The following DPH6 variants were observed in gnomAD, a reference collection of about 807,000 sequenced individuals.
DPH6 encodes diphthamine biosynthesis 6.
A neutral mutation model predicts 38.2 loss-of-function variants in DPH6; 33 were observed. That is an observed-to-expected ratio of 0.86 (90% CI 0.65 to 1.15). DPH6 has a LOEUF of 1.15. Among genes scored for constraint, DPH6 ranks in the 50% most tolerant of loss-of-function variants. The pLI, the probability that DPH6 is intolerant of heterozygous loss-of-function variation, is 0.00. For missense variants in DPH6, 325 were observed against 320.0 expected (o/e 1.02, Z -0.12); for synonymous variants, 108 against 103.0 (o/e 1.05, Z -0.30).
chr15:35,393,361 G>T (rs1319557014), intron 6 of DPH6, among the ~76,000 whole-genome samples: 2 of 152,116 alleles, frequency 1.3e-5, no homozygotes, highest in Non-Finnish European at 2.9e-5. Flanking sequence ...GACAAACGAT[G>T]AATTAGAAAA....
At chr15:35,175,218 G>C in the DPH6 span, among the ~76,000 whole-genome samples, 1 of 152,058 alleles carries the variant, frequency 6.6e-6, no homozygotes, top group African/African-American at 2.4e-5. Flanking sequence ...AGTTAAAACA[G>C]TCATTTTACC....
chr15:35,364,438 T>C (rs2052639673), intron 3 of DPH6, among the ~76,000 whole-genome samples: 3 of 151,948 alleles, frequency 2.0e-5, no homozygotes, highest in African/African-American at 7.2e-5. Flanking sequence ...TATTTATATC[T>C]TCAAAAAAAA....
intron 3 of DPH6, among the ~76,000 whole-genome samples, chr15:35,356,014 C>G (rs1343324813): frequency 1.3e-5 from 2 of 152,188 alleles, no homozygotes; most frequent in African/African-American, 4.8e-5. Context: ...AACTTCTGTT[C>G]TCACTTCATT....
At chr15:35,346,713 T>G (rs1297617671) in intron 3 of DPH6, among the ~76,000 whole-genome samples, 3 of 152,180 alleles carry the variant, frequency 2.0e-5, no homozygotes, top group Non-Finnish European at 2.9e-5. Flanking sequence ...CTTAGGTCAT[T>G]GATTTTCAGC....
At chr15:35,311,332 C>T (rs2052140288) in intron 3 of DPH6, among the ~76,000 whole-genome samples, 1 of 152,140 alleles carries the variant, frequency 6.6e-6, no homozygotes, top group Non-Finnish European at 1.5e-5. Flanking sequence ...CAACTGAAGA[C>T]TGCTTTTTTT....
At chr15:35,259,239 A>C (rs2051728934) in intron 3 of DPH6, among the ~76,000 whole-genome samples, 1 of 152,110 alleles carries the variant, frequency 6.6e-6, no homozygotes, top group Non-Finnish European at 1.5e-5. Flanking sequence ...ATATATCTGG[A>C]AAGGCAAGCA....
intron 3 of DPH6, among the ~76,000 whole-genome samples, chr15:35,527,589 T>C (rs989955566): frequency 6.6e-6 from 1 of 152,084 alleles, no homozygotes; most frequent in Admixed American, 6.6e-5. Flanking sequence ...GGAAGGAAGA[T>C]ATTATATTCA....
the DPH6 span, among the ~76,000 whole-genome samples, chr15:35,167,909 A>G: frequency 3.0e-4 from 46 of 152,078 alleles, no homozygotes; most frequent in Non-Finnish European, 4.9e-4. Context: ...CAAGGTACTA[A>G]TTTTCCCATA....
intron 3 of DPH6, among the ~76,000 whole-genome samples, chr15:35,228,152 T>C (rs2051494889): frequency 1.3e-5 from 2 of 152,222 alleles, no homozygotes; most frequent in South Asian, 4.1e-4. Context: ...GTCTATAGTG[T>C]AGACCAACAT....
intron 3 of DPH6, among the ~76,000 whole-genome samples, chr15:35,468,465 C>T (rs988629591): frequency 2.0e-5 from 3 of 152,078 alleles, no homozygotes; most frequent in African/African-American, 7.2e-5. Context: ...TGCTCAAAAC[C>T]CTCTAAGTCA....
downstream of DPH6, among the ~76,000 whole-genome samples, chr15:35,326,587 G>A (rs111547123): frequency 1.3e-5 from 2 of 151,798 alleles, no homozygotes; most frequent in Non-Finnish European, 2.9e-5. Context: ...ATGCACCACC[G>A]TGCCCAGCTA....
chr15:35,245,776 A>G (rs1173918810), intron 3 of DPH6, among the ~76,000 whole-genome samples: 1 of 150,420 alleles, frequency 6.6e-6, no homozygotes, highest in Non-Finnish European at 1.5e-5. Flanking sequence ...TTAACTCAAG[A>G]GCATCCCACA....
intron 3 of DPH6, chr15:35,489,923 TA>T (rs2054454726): frequency 1.0e-6 from 1 of 971,922 alleles, no homozygotes. Flanking sequence ...GATTACTTTT[TA>T]AAAGTATCAA....
At chr15:35,328,153 A>G (rs1466850953), downstream of DPH6, among the ~76,000 whole-genome samples, 3 of 152,170 alleles carry the variant, frequency 2.0e-5, no homozygotes, top group Non-Finnish European at 2.9e-5. Context: ...CTCATTGTGA[A>G]AAGGTAGAGT....
intron 3 of DPH6, among the ~76,000 whole-genome samples, chr15:35,222,403 A>C (rs2051448313): frequency 6.6e-6 from 1 of 152,182 alleles, no homozygotes; most frequent in Non-Finnish European, 1.5e-5. Flanking sequence ...CAGTCTCATG[A>C]GGTCCTGATG....
downstream of DPH6, among the ~76,000 whole-genome samples, chr15:35,327,407 G>A (rs890212245): frequency 1.4e-5 from 2 of 146,832 alleles, no homozygotes; most frequent in African/African-American, 5.1e-5. Flanking sequence ...GTGCAGTGAC[G>A]CAATCTTGGC....
chr15:35,295,946 G>A (rs1021556568), intron 3 of DPH6, among the ~76,000 whole-genome samples: 1 of 149,656 alleles, frequency 6.7e-6, no homozygotes, highest in Non-Finnish European at 1.5e-5. Flanking sequence ...TTTTGAGATA[G>A]AGTCTCGCTC....
the DPH6 span, among the ~76,000 whole-genome samples, chr15:35,159,904 A>G: frequency 6.6e-6 from 1 of 152,058 alleles, no homozygotes; most frequent in Non-Finnish European, 1.5e-5. Flanking sequence ...TTGCAGCAAC[A>G]TGGATGGAGC....
intron 3 of DPH6, among the ~76,000 whole-genome samples, chr15:35,476,760 C>T (rs1169341979): frequency 5.3e-5 from 8 of 151,700 alleles, no homozygotes; most frequent in Admixed American, 5.3e-4. Flanking sequence ...GATTGAATTC[C>T]ACTTGCCAGT....
Sources: allele counts gnomAD v4.1 joint callset (sites outside exome capture counted in the v4.1 genomes callset), GRCh38; gene constraint gnomAD v4.1.1; transcripts MANE v1.5; gene names NCBI Gene and HGNC (gene_info 2026-07-23, HGNC 2026-07-21).